The following BCL2L11 variants were observed in gnomAD, a reference collection of about 807,000 sequenced individuals.
BCL2L11 encodes the protein BCL2 like 11, also known as bcl-2-like protein 11.
Under a neutral mutation model 20.6 loss-of-function variants are expected in BCL2L11, and 15 were observed. The observed-to-expected ratio is 0.73, with a 90% CI of 0.49 to 1.12. The LOEUF is 1.12. Ranked by LOEUF, BCL2L11 falls within the 50% of genes most tolerant of loss-of-function variation. The pLI is 0.00. For missense variants in BCL2L11, 292 were observed against 260.9 expected (o/e 1.12, Z -0.82); for synonymous variants, 108 against 92.8 (o/e 1.16, Z -0.94).
chr2:111,167,226 A>C lies in BCL2L11; in HGVS notation c.*2995A>C, dbSNP rs1357490349. The C allele has an allele frequency of 6.6e-6, 1 of 152,284 alleles. No homozygotes were observed. The highest frequency in any genetic ancestry group is 1.5e-5 in the Non-Finnish European group (1 of 68,036). 9.4% of individuals were successfully genotyped at this position (152,284 alleles called of 1,614,324 possible). On this transcript the variant is annotated 3_prime_UTR_variant, in exon 4 of 4. Transcript: ENST00000393256. Reference sequence around the variant, plus strand: ...GTGACTGGAGAGCTCATTGCAGACCACGTGGTCCTCCAGGGTGGCTCTCCA... The same window carrying C: ...GTGACTGGAGAGCTCATTGCAGACCCCGTGGTCCTCCAGGGTGGCTCTCCA...
At chr2:111,159,571 C>T (rs1200460664) in intron 3 of BCL2L11, among the ~76,000 whole-genome samples, 2 of 152,232 alleles carry the variant, frequency 1.3e-5, no homozygotes, top group Non-Finnish European at 2.9e-5. Context: ...TGACCAGTTC[C>T]CTGGGGCCAG....
intron 3 of BCL2L11, chr2:111,163,011 T>G (rs1218809919): frequency 6.6e-6 from 1 of 152,186 alleles, no homozygotes; most frequent in Admixed American, 6.5e-5. Context: ...TCCAATCTTG[T>G]TATGGAAGGA....
chr2:111,124,007 C>G lies in BCL2L11; in HGVS notation c.262C>G (p.Leu88Val). Reference protein sequence around the residue: ...PLFIFMRRSSLLSRSSSGYFS... With the variant: ...PLFIFMRRSSVLSRSSSGYFS... Reference sequence around the variant, plus strand: ...TTTCATCTTTATGAGAAGATCCTCCCTGCTGTCTCGATCCTCCAGTGGGTA... The same window carrying G: ...TTTCATCTTTATGAGAAGATCCTCCGTGCTGTCTCGATCCTCCAGTGGGTA... Residue 88 changes from leucine to valine, a missense_variant, in exon 2 of 4, where the codon CTG becomes GTG. Leu to Val is a conservative substitution (Grantham distance 32). Coordinates refer to ENST00000393256, the MANE Select transcript of BCL2L11 (RefSeq NM_138621.5). The G allele has an allele frequency of 6.2e-7, 1 of 1,614,226 alleles. No homozygotes were observed. Among genetic ancestry groups the G allele is most frequent in the Non-Finnish European group, 8.5e-7 (1 of 1,180,038 alleles).
chr2:111,139,436 A>G (rs2075444975), intron 2 of BCL2L11, among the ~76,000 whole-genome samples: 1 of 152,186 alleles, frequency 6.6e-6, no homozygotes, highest in African/African-American at 2.4e-5. Flanking sequence ...CTTTTTCCCA[A>G]AATAAGGGAT....
chr2:111,130,730 C>G (rs1406266156), intron 2 of BCL2L11, among the ~76,000 whole-genome samples: 2 of 152,158 alleles, frequency 1.3e-5, no homozygotes, highest in Admixed American at 6.5e-5. Flanking sequence ...AAATATGATG[C>G]TAAGTGTAGG....
At chr2:111,140,184 C>G (rs550620408) in intron 2 of BCL2L11, among the ~76,000 whole-genome samples, 22 of 152,198 alleles carry the variant, frequency 1.4e-4, no homozygotes, top group African/African-American at 5.1e-4. Flanking sequence ...GCAGACTGCC[C>G]TCTGCACAGT....
intron 3 of BCL2L11, among the ~76,000 whole-genome samples, chr2:111,157,252 G>T (rs13394484): frequency 0.014 from 2,156 of 152,118 alleles, 55 homozygotes; most frequent in African/African-American, 0.048. Context: ...TCTAACTGGG[G>T]TTTTTTTTAA....
In BCL2L11 at chr2:111,166,325, A is replaced by G. The variant is rs954729570; in HGVS notation, c.*2094A>G. On this transcript the variant is annotated 3_prime_UTR_variant, in exon 4 of 4. Coordinates refer to ENST00000393256, the MANE Select transcript of BCL2L11 (RefSeq NM_138621.5). ...CGGGAGGCCCTGCCCTGTGCTGCCCAGGGGCTGTGTGCACCACATGAGCAC... is the reference window on the plus strand; with the variant it reads ...CGGGAGGCCCTGCCCTGTGCTGCCCGGGGGCTGTGTGCACCACATGAGCAC... 1.3e-5 allele frequency: 2 copies of G among 152,696 alleles called. No homozygotes were observed. The highest frequency in any genetic ancestry group is 6.5e-5 in the Admixed American group (1 of 15,288). 9.5% of individuals were successfully genotyped at this position (152,696 alleles called of 1,614,324 possible). A position where few individuals can be genotyped will look rare whatever the true frequency, so the allele number is the denominator to read the frequency against.
chr2:111,128,913 G>C lies in BCL2L11; in HGVS notation c.394+4774G>C, dbSNP rs150729853. 7.5e-4 allele frequency: 922 copies of C among 1,230,806 alleles called. 19 individuals carry two copies. In the East Asian group the frequency reaches 0.024, roughly 32 times the overall value. 76.2% of individuals were successfully genotyped at this position (1,230,806 alleles called of 1,614,324 possible). A position where few individuals can be genotyped will look rare whatever the true frequency, so the allele number is the denominator to read the frequency against. On this transcript the variant is annotated intron_variant, in intron 2 of 3. Coordinates refer to ENST00000393256, the MANE Select transcript of BCL2L11 (RefSeq NM_138621.5). ...AAAATGCACAATTAGATTTGTGGCT[G>C]GTGTTCTGTTTCATCTAAACAGGCT...
chr2:111,149,976 A>G lies in BCL2L11; in HGVS notation c.395-68A>G, dbSNP rs986458710. On this transcript the variant is annotated intron_variant, in intron 2 of 3. Transcript: ENST00000393256. ...GAGATGGGCTTGCCTCTAGAGACTT[A>G]TCTTTGGAACTTTCCCAGTGATCTG... 3.5e-6 allele frequency: 5 copies of G among 1,422,134 alleles called. No homozygotes were observed. In the African/African-American group the frequency reaches 4.3e-5, roughly 12 times the overall value. 88.1% of individuals were successfully genotyped at this position (1,422,134 alleles called of 1,614,324 possible).
chr2:111,157,073 T>C (rs2077955111), intron 3 of BCL2L11, among the ~76,000 whole-genome samples: 1 of 152,232 alleles, frequency 6.6e-6, no homozygotes, highest in African/African-American at 2.4e-5. Context: ...TTTAAATGGC[T>C]GGATGGGCAT....
At chr2:111,150,269 A>G (rs1487155632) in intron 3 of BCL2L11, 122 bp downstream of exon 3, 3 of 1,502,654 alleles carry the variant, frequency 2.0e-6, no homozygotes, top group Non-Finnish European at 2.7e-6. Context: ...ACTGTTGCCT[A>G]GTTGTGACCT....
chr2:111,154,811 A>G (rs1311505160), intron 3 of BCL2L11, among the ~76,000 whole-genome samples: 1 of 152,246 alleles, frequency 6.6e-6, no homozygotes, highest in African/African-American at 2.4e-5. Flanking sequence ...TAGTATAACA[A>G]CTTGGATTCA....
chr2:111,153,156 T>A (rs1340361833), intron 3 of BCL2L11, among the ~76,000 whole-genome samples: 3 of 152,156 alleles, frequency 2.0e-5, no homozygotes, highest in African/African-American at 7.2e-5. Context: ...GGCGGGTGGA[T>A]CACCAGAGGT....
intron 2 of BCL2L11, among the ~76,000 whole-genome samples, chr2:111,140,645 A>G (rs184998306): frequency 6.6e-6 from 1 of 152,258 alleles, no homozygotes. Context: ...TTTGTCTGTT[A>G]TTTGGTCCCT....
At chr2:111,144,360 T>G in intron 2 of BCL2L11, 2 of 798,212 alleles carry the variant, frequency 2.5e-6, no homozygotes, top group Non-Finnish European at 2.0e-6. Flanking sequence ...TGGAGGGAGG[T>G]GTGTGTGTGT....
rs558093563 is a variant in BCL2L11 at position 111,128,745 on chromosome 2, C to A, written c.394+4606C>A. 21 of 1,547,696 alleles carry A rather than the reference C, an allele frequency of 1.4e-5. No individual in the cohort carries two copies. In the East Asian group the frequency reaches 4.2e-4, roughly 31 times the overall value. ...CAGAACAACTCAACCACAAGGATTTCTCATGATACCTTTTTATAGCCACAG... is the reference window on the plus strand; with the variant it reads ...CAGAACAACTCAACCACAAGGATTTATCATGATACCTTTTTATAGCCACAG... On this transcript the variant is annotated intron_variant, in intron 2 of 3. Coordinates refer to ENST00000393256, the MANE Select transcript of BCL2L11 (RefSeq NM_138621.5).
At chr2:111,153,000 TA>T (rs1227901129) in intron 3 of BCL2L11, among the ~76,000 whole-genome samples, 1 of 152,168 alleles carries the variant, frequency 6.6e-6, no homozygotes, top group African/African-American at 2.4e-5. Flanking sequence ...GCTGGGATAT[TA>T]GGGGGAAGGA....
chr2:111,150,328 T>C lies in BCL2L11; in HGVS notation c.498+181T>C, dbSNP rs964209894. 5 of 1,283,138 alleles carry C rather than the reference T, an allele frequency of 3.9e-6. No homozygotes were observed. In the African/African-American group the frequency reaches 4.5e-5, roughly 12 times the overall value. The allele number at this position is 1,283,138 out of a possible 1,614,324, so 79.5% of individuals were successfully genotyped here. On this transcript the variant is annotated intron_variant, in intron 3 of 3. Transcript: ENST00000393256. ...TTTCATTTGTTTTATGACTAAGTAATGGCACTTAAATAAAATAATACAGTA... is the reference window on the plus strand; with the variant it reads ...TTTCATTTGTTTTATGACTAAGTAACGGCACTTAAATAAAATAATACAGTA...
Sources: allele counts gnomAD v4.1 joint callset (sites outside exome capture counted in the v4.1 genomes callset), GRCh38; gene constraint gnomAD v4.1.1; transcripts MANE v1.5; gene names NCBI Gene and HGNC (gene_info 2026-07-23, HGNC 2026-07-21).